CYSTM1: variants seen among roughly 807,000 people sequenced by gnomAD.
CYSTM1 encodes cysteine-rich transmembrane module-containing protein 1.
Under a neutral mutation model 13.1 loss-of-function variants are expected in CYSTM1, and 4 were observed. That is an observed-to-expected ratio of 0.31 (90% CI 0.15 to 0.70). The LOEUF (loss-of-function observed/expected upper bound fraction) is 0.70, where lower values mean the gene tolerates loss of function less well. CYSTM1 is among the 30% of genes least tolerant of loss of function. The pLI is 0.72. For missense variants in CYSTM1, 96 were observed against 121.6 expected (o/e 0.79, Z 0.99); for synonymous variants, 36 against 42.7 (o/e 0.84, Z 0.62).
chr5:140,225,375 A>G lies in CYSTM1; in HGVS notation c.188-17930A>G, dbSNP rs147497165. ...ACCTGGGTTGTTTAGGCCTTCAATC[A>G]GTGGGAGGGAGTTGGGGAAGGGGTT... On this transcript the variant is annotated intron_variant, in intron 2 of 2. Transcript: ENST00000261811. Among the ~76,000 whole-genome samples the G allele has an allele frequency of 4.5e-4, 69 of 152,240 alleles. 1 individual carries two copies. The highest frequency in any genetic ancestry group is 1.6e-3 in the African/African-American group (67 of 41,548).
chr5:140,181,936 T>G (rs1158138281), intron 1 of CYSTM1, among the ~76,000 whole-genome samples: 2 of 152,180 alleles, frequency 1.3e-5, no homozygotes, highest in African/African-American at 4.8e-5. Context: ...TTCGGCCGGG[T>G]AGTTGTATTT....
intron 2 of CYSTM1, among the ~76,000 whole-genome samples, chr5:140,226,935 C>T (rs1213656826): frequency 1.3e-5 from 2 of 151,878 alleles, no homozygotes; most frequent in East Asian, 3.9e-4. Flanking sequence ...GCTGAGGTCG[C>T]TGACTGGCAG....
At chr5:140,228,150 T>C (rs1468321511) in intron 2 of CYSTM1, among the ~76,000 whole-genome samples, 2 of 152,192 alleles carry the variant, frequency 1.3e-5, no homozygotes, top group African/African-American at 4.8e-5. Flanking sequence ...ATACTTTACA[T>C]AGATCCCTGA....
chr5:140,197,297 T>C (rs1764170005), intron 2 of CYSTM1, among the ~76,000 whole-genome samples: 1 of 152,234 alleles, frequency 6.6e-6, no homozygotes, highest in Non-Finnish European at 1.5e-5. Context: ...GTCAGCCTTT[T>C]TGATGAAAAA....
intron 2 of CYSTM1, among the ~76,000 whole-genome samples, chr5:140,235,595 C>T (rs1023836818): frequency 4.0e-5 from 6 of 151,866 alleles, no homozygotes; most frequent in Admixed American, 1.3e-4. Context: ...TCAGTAGAGA[C>T]GAGGCTTCAC....
intron 2 of CYSTM1, among the ~76,000 whole-genome samples, chr5:140,205,611 T>C (rs1170574189): frequency 1.3e-5 from 2 of 152,180 alleles, no homozygotes; most frequent in Non-Finnish European, 2.9e-5. Context: ...TCCCTGAGCT[T>C]CTGCCTTCTT....
intron 1 of CYSTM1, among the ~76,000 whole-genome samples, chr5:140,189,328 C>G (rs1190324788): frequency 6.6e-6 from 1 of 151,524 alleles, no homozygotes; most frequent in Non-Finnish European, 1.5e-5. Context: ...CCCCCACTCT[C>G]TTGCCCCCTC....
chr5:140,176,609 T>A (rs1205873411), intron 1 of CYSTM1, among the ~76,000 whole-genome samples: 1 of 152,036 alleles, frequency 6.6e-6, no homozygotes, highest in Non-Finnish European at 1.5e-5. Flanking sequence ...GGTTTCAGAG[T>A]GACTTACAAA....
At chr5:140,233,236 G>A (rs1764637338) in intron 2 of CYSTM1, among the ~76,000 whole-genome samples, 1 of 152,166 alleles carries the variant, frequency 6.6e-6, no homozygotes, top group African/African-American at 2.4e-5. Context: ...CAGGAGATTT[G>A]GGATGGTAGG....
chr5:140,188,377 G>A (rs1299440338), intron 1 of CYSTM1, among the ~76,000 whole-genome samples: 2 of 152,052 alleles, frequency 1.3e-5, no homozygotes, highest in East Asian at 3.9e-4. Flanking sequence ...CATGAGCCCT[G>A]AGCCCAGCTA....
intron 2 of CYSTM1, among the ~76,000 whole-genome samples, chr5:140,241,792 A>AG: frequency 6.6e-6 from 1 of 152,232 alleles, no homozygotes. Context: ...TTCAGTGGGT[A>AG]GGGTAGGCTC....
rs759013123 is a variant in CYSTM1 at position 140,230,928 on chromosome 5, G to T, written c.188-12377G>T. On this transcript the variant is annotated intron_variant, in intron 2 of 2. Coordinates refer to ENST00000261811, the MANE Select transcript of CYSTM1 (RefSeq NM_032412.4). This position sits in a 1 kb window ranked among gnomAD's most constrained non-coding sequence, Gnocchi z 4.1. ...AAACACATACCTCTTATTCTTTTTC[G>T]TAATTTTCTTGGCTTTCTCGGCCTT... Among the ~76,000 whole-genome samples, 6 of 152,008 alleles carry T rather than the reference G, an allele frequency of 3.9e-5. No homozygotes were observed. In the East Asian group the frequency reaches 7.7e-4, roughly 20 times the overall value.
intron 2 of CYSTM1, among the ~76,000 whole-genome samples, chr5:140,232,926 C>T (rs913678327): frequency 2.0e-5 from 3 of 152,158 alleles, no homozygotes; most frequent in South Asian, 2.1e-4. Flanking sequence ...ATGTCCTCTG[C>T]GGTAGCTGCT....
chr5:140,188,594 A>G (rs1247504382), intron 1 of CYSTM1, among the ~76,000 whole-genome samples: 6 of 152,002 alleles, frequency 3.9e-5, no homozygotes, highest in Non-Finnish European at 8.8e-5. Flanking sequence ...GATCGAGACC[A>G]CGGTGAAACC....
intron 2 of CYSTM1, among the ~76,000 whole-genome samples, chr5:140,213,380 TAA>T (rs990280787): frequency 1.3e-5 from 2 of 152,184 alleles, no homozygotes; most frequent in Admixed American, 1.3e-4. Flanking sequence ...AAAGTGTTGG[TAA>T]AGAGTCAAAA....
chr5:140,223,966 T>G (rs1359248784), intron 2 of CYSTM1, among the ~76,000 whole-genome samples: 1 of 152,174 alleles, frequency 6.6e-6, no homozygotes, highest in Admixed American at 6.5e-5. Context: ...GCTGAGAGGC[T>G]GACACATCCA....
chr5:140,222,686 G>C (rs564797549), intron 2 of CYSTM1, among the ~76,000 whole-genome samples: 122 of 152,344 alleles, frequency 8.0e-4, no homozygotes, highest in African/African-American at 2.8e-3. Flanking sequence ...GTAGCCATCT[G>C]CCCCTGCCTA....
At chr5:140,195,794 C>G (rs1581061543) in intron 2 of CYSTM1, among the ~76,000 whole-genome samples, 1 of 150,594 alleles carries the variant, frequency 6.6e-6, no homozygotes. Context: ...CCTGTAATCC[C>G]AGCACTTTGG....
chr5:140,177,126 T>G (rs1489410440), intron 1 of CYSTM1, among the ~76,000 whole-genome samples: 1 of 151,214 alleles, frequency 6.6e-6, no homozygotes, highest in Non-Finnish European at 1.5e-5. Context: ...TTTCTCCGTG[T>G]AAGGCTGCGT....
Sources: gnomAD v4.1 joint callset for allele counts (sites outside exome capture counted in the v4.1 genomes callset) on GRCh38, gnomAD v4.1.1 for gene constraint, Gnocchi (gnomAD v3.1) non-coding constraint, MANE v1.5 for transcripts, NCBI Gene and HGNC (gene_info 2026-07-23, HGNC 2026-07-21) for gene names.